Variants in GALNT18 observed in about 807,000 individuals in gnomAD.
GALNT18 encodes polypeptide N-acetylgalactosaminyltransferase 18, also known as GalNAc-transferase 18.
In GALNT18, 44 loss-of-function variants were observed where a neutral mutation model predicts 69.5. The observed-to-expected ratio is 0.63, with a 90% CI of 0.50 to 0.81. GALNT18 has a LOEUF of 0.81. Ranked by LOEUF, GALNT18 falls within the 40% of genes least tolerant of loss-of-function variation. GALNT18 has a pLI of 0.00. For synonymous variants in GALNT18, 364 were observed against 318.2 expected, an observed-to-expected ratio of 1.14 and a Z score of -1.53; for missense variants, 715 against 810.0, an observed-to-expected ratio of 0.88 and a Z score of 1.42.
intron 3 of GALNT18, among the ~76,000 whole-genome samples, chr11:11,401,141 G>A (rs986776778): frequency 2.0e-5 from 3 of 152,148 alleles, no homozygotes; most frequent in Non-Finnish European, 2.9e-5. Context: ...CTGACCCACT[G>A]CAGGTCCCCA....
intron 3 of GALNT18, among the ~76,000 whole-genome samples, chr11:11,416,693 C>T (rs149436846): frequency 1.6e-4 from 25 of 152,268 alleles, no homozygotes; most frequent in Non-Finnish European, 2.6e-4. Context: ...AGATGGCAGC[C>T]GCCACCACAC....
intron 1 of GALNT18, among the ~76,000 whole-genome samples, chr11:11,552,054 A>G (rs1388626247): frequency 3.3e-5 from 5 of 152,242 alleles, no homozygotes; most frequent in African/African-American, 4.8e-5. Flanking sequence ...GCTTCAGGCC[A>G]TCTGGATATA....
intron 7 of GALNT18, among the ~76,000 whole-genome samples, chr11:11,336,541 C>T (rs937447826): frequency 3.3e-5 from 5 of 152,164 alleles, no homozygotes; most frequent in Admixed American, 2.0e-4. Flanking sequence ...AAGGCAGCCA[C>T]CTGGGAAGGG....
intron 8 of GALNT18, among the ~76,000 whole-genome samples, chr11:11,330,119 G>T (rs185726687): frequency 1.3e-5 from 2 of 152,118 alleles, no homozygotes; most frequent in African/African-American, 2.4e-5. Context: ...ATGCCCACAC[G>T]ATGGGGCCCA....
At chr11:11,355,068 G>A (rs1589932616) in intron 6 of GALNT18, among the ~76,000 whole-genome samples, 1 of 152,180 alleles carries the variant, frequency 6.6e-6, no homozygotes. Context: ...TCCATCCAGA[G>A]CCTCTTCCCT....
rs550886227 is a variant in GALNT18, at chr11:11,386,871, G to A, written c.596-7607C>T. Among the ~76,000 whole-genome samples the A allele has an allele frequency of 7.9e-5, 12 of 152,232 alleles. No individual in the cohort carries two copies. The South Asian group carries it at 2.5e-3, about 32-fold the overall frequency. ...CCTGCCTCCCAAGAATAAGAAGCTG[G>A]CCTGCATAAGAATCAGCTTGTTGAA... On this transcript the variant is annotated intron_variant, in intron 3 of 10. Coordinates refer to ENST00000227756, the MANE Select transcript of GALNT18 (RefSeq NM_198516.3).
chr11:11,497,327 A>AACACACATACACAC lies in GALNT18; in HGVS notation c.236-48392_236-48391insGTGTGTATGTGTGT, dbSNP rs1856884240. Among the ~76,000 whole-genome samples, 1 of 132,230 alleles carries AACACACATACACAC rather than the reference A, an allele frequency of 7.6e-6. No individual in the cohort carries two copies. The highest frequency in any genetic ancestry group is 1.6e-5 in the Non-Finnish European group (1 of 63,204). The allele number at this position is 132,230 out of a possible 152,430, so 86.7% of individuals were successfully genotyped here. A position where few individuals can be genotyped will look rare whatever the true frequency, so the allele number is the denominator to read the frequency against. ...TATTTATGTTTTACCTCCTGTCTCC[A>AACACACATACACAC]ACACACACACACACACACACACACA... On this transcript the variant is annotated intron_variant, in intron 1 of 10. Transcript: ENST00000227756. The surrounding 1 kb of genome is among the most constrained non-coding windows in gnomAD (Gnocchi z 4.2).
intron 1 of GALNT18, among the ~76,000 whole-genome samples, chr11:11,539,109 C>T (rs946211927): frequency 6.6e-6 from 1 of 152,230 alleles, no homozygotes; most frequent in Non-Finnish European, 1.5e-5. Context: ...GGGAATGGTG[C>T]ACCTGCTTTG....
rs932661837 is a variant in GALNT18 at position 11,318,819 on chromosome 11, T to G, written c.1512+8267A>C. Among the ~76,000 whole-genome samples the G allele has an allele frequency of 2.6e-5, 4 of 152,184 alleles. No individual in the cohort carries two copies. The highest frequency in any genetic ancestry group is 9.7e-5 in the African/African-American group (4 of 41,440). Reference sequence around the variant, plus strand: ...GTCCTTTTAATATTATCCTGGGACATTAACGGGCCCATCCAAGAGTATGTA... The same window carrying G: ...GTCCTTTTAATATTATCCTGGGACAGTAACGGGCCCATCCAAGAGTATGTA... On this transcript the variant is annotated intron_variant, in intron 9 of 10. Coordinates refer to ENST00000227756, the MANE Select transcript of GALNT18 (RefSeq NM_198516.3). This position sits in a 1 kb window ranked among gnomAD's most constrained non-coding sequence, Gnocchi z 5.1.
In GALNT18 at chr11:11,372,352, G is replaced by T. The variant is rs1335612353; in HGVS notation, c.1092+163C>A. On this transcript the variant is annotated intron_variant, in intron 6 of 10. Transcript: ENST00000227756. The surrounding 1 kb of genome is among the most constrained non-coding windows in gnomAD (Gnocchi z 4.9). ...CCTCTTCTTCCTGAAAAGTCAAGAG[G>T]CTCCACCCTGTGTCTTCCCAATCCC... Among the ~76,000 whole-genome samples, 1 of 152,124 alleles carries T rather than the reference G, an allele frequency of 6.6e-6. No homozygotes were observed. The highest frequency in any genetic ancestry group is 6.5e-5 in the Admixed American group (1 of 15,280).
intron 1 of GALNT18, among the ~76,000 whole-genome samples, chr11:11,580,359 T>A (rs1482360546): frequency 6.6e-6 from 1 of 152,146 alleles, no homozygotes; most frequent in African/African-American, 2.4e-5. Context: ...GTCCTCCTCA[T>A]CAAATTTGCT....
At chr11:11,477,484 C>G (rs565846282) in intron 1 of GALNT18, among the ~76,000 whole-genome samples, 2 of 152,220 alleles carry the variant, frequency 1.3e-5, no homozygotes, top group Non-Finnish European at 2.9e-5. Context: ...CAGTATCAGT[C>G]AAGTGGGAAG....
Position 11,542,972 on chromosome 11 carries a change from C to A in GALNT18, c.235+78387G>T, listed in dbSNP as rs1167987437. On this transcript the variant is annotated intron_variant, in intron 1 of 10. Coordinates refer to ENST00000227756, the MANE Select transcript of GALNT18 (RefSeq NM_198516.3). The surrounding 1 kb of genome is among the most constrained non-coding windows in gnomAD (Gnocchi z 4.3). Reference sequence around the variant, plus strand: ...GGTGAGGAGCAGGGTGCATGGAACCCCTGCAGCCTTTTCTACTGTGTGGAG... The same window carrying A: ...GGTGAGGAGCAGGGTGCATGGAACCACTGCAGCCTTTTCTACTGTGTGGAG... 2.0e-5 allele frequency among the ~76,000 whole-genome samples: 3 copies of A among 152,118 alleles called. No homozygotes were observed.
chr11:11,554,117 G>A (rs568219512), intron 1 of GALNT18, among the ~76,000 whole-genome samples: 12 of 152,304 alleles, frequency 7.9e-5, no homozygotes, highest in African/African-American at 2.6e-4. Context: ...TCCCTCCGCT[G>A]ACTGGCGGCT....
Position 11,602,992 on chromosome 11 carries a change from G to A in GALNT18, c.235+18367C>T, listed in dbSNP as rs916591682. Among the ~76,000 whole-genome samples the A allele has an allele frequency of 6.6e-6, 1 of 152,142 alleles. No individual in the cohort carries two copies. The highest frequency in any genetic ancestry group is 1.5e-5 in the Non-Finnish European group (1 of 68,030). ...AATAGATCAGAATATTTAAAATTGG[G>A]TTGTCCCATATAACCTGAGAATATT... On this transcript the variant is annotated intron_variant, in intron 1 of 10. Coordinates refer to ENST00000227756, the MANE Select transcript of GALNT18 (RefSeq NM_198516.3). The surrounding 1 kb of genome is among the most constrained non-coding windows in gnomAD (Gnocchi z 4.7).
Position 11,277,189 on chromosome 11 carries a change from G to C in GALNT18, c.1678-5899C>G, listed in dbSNP as rs549019923. On this transcript the variant is annotated intron_variant, in intron 10 of 10. Coordinates refer to ENST00000227756, the MANE Select transcript of GALNT18 (RefSeq NM_198516.3). ...TAGTAATTATTGCCTCAATTTCAGA[G>C]CCTGTTATTGGTCTATTCAGAGATT... Among the ~76,000 whole-genome samples, 228 of 152,198 alleles carry C rather than the reference G, an allele frequency of 1.5e-3. 1 individual carries two copies. The highest frequency in any genetic ancestry group is 4.6e-3 in the South Asian group (22 of 4,812).
chr11:11,558,026 G>A (rs1203789598), intron 1 of GALNT18, among the ~76,000 whole-genome samples: 1 of 152,190 alleles, frequency 6.6e-6, no homozygotes, highest in East Asian at 1.9e-4. Context: ...GGCAGGGGTG[G>A]ATGGGCACGC....
intron 1 of GALNT18, among the ~76,000 whole-genome samples, chr11:11,481,591 T>G (rs1325211442): frequency 6.6e-6 from 1 of 152,194 alleles, no homozygotes. Flanking sequence ...TCATGCTGTG[T>G]GGAGGGCAGG....
intron 1 of GALNT18, among the ~76,000 whole-genome samples, chr11:11,508,486 T>C (rs1857110551): frequency 6.6e-6 from 1 of 152,242 alleles, no homozygotes; most frequent in South Asian, 2.1e-4. Flanking sequence ...ATCTGCCATA[T>C]TTCTCCATCG....
Sources: gnomAD v4.1 joint callset for allele counts (sites outside exome capture counted in the v4.1 genomes callset) on GRCh38, gnomAD v4.1.1 for gene constraint, Gnocchi (gnomAD v3.1) non-coding constraint, MANE v1.5 for transcripts, NCBI Gene and HGNC (gene_info 2026-07-23, HGNC 2026-07-21) for gene names.